UBE2E2: variants seen among roughly 807,000 people sequenced by gnomAD.
UBE2E2 encodes the protein ubiquitin-conjugating enzyme E2 E2.
A neutral mutation model predicts 24.7 loss-of-function variants in UBE2E2; 6 were observed. The observed-to-expected ratio is 0.24, with a 90% confidence interval of 0.13 to 0.48. The LOEUF (loss-of-function observed/expected upper bound fraction) is 0.48. UBE2E2 is among the 20% of genes least tolerant of loss of function. The pLI is 0.99. For synonymous variants in UBE2E2, 104 were observed against 83.6 expected, an observed-to-expected ratio of 1.24 and a Z score of -1.33; for missense variants, 169 against 245.0, an observed-to-expected ratio of 0.69 and a Z score of 2.07.
chr3:23,485,556 A>C (rs1197744953), intron 3 of UBE2E2, among the ~76,000 whole-genome samples: 1 of 151,950 alleles, frequency 6.6e-6, no homozygotes, highest in East Asian at 1.9e-4. Flanking sequence ...CAAAAAAAAA[A>C]CCTCTCTTGT....
chr3:23,403,526 A>G (rs1255876399), intron 3 of UBE2E2, among the ~76,000 whole-genome samples: 1 of 152,218 alleles, frequency 6.6e-6, no homozygotes, highest in East Asian at 1.9e-4. Context: ...TATGCATTAA[A>G]TGTCATTGTA....
At chr3:23,315,051 C>G (rs1463659884) in intron 3 of UBE2E2, among the ~76,000 whole-genome samples, 1 of 152,208 alleles carries the variant, frequency 6.6e-6, no homozygotes, top group East Asian at 1.9e-4. Flanking sequence ...ACCTCTACCT[C>G]TCTCTCTTTA....
intron 3 of UBE2E2, among the ~76,000 whole-genome samples, chr3:23,313,096 A>G (rs1050039452): frequency 1.3e-5 from 2 of 152,144 alleles, no homozygotes; most frequent in African/African-American, 4.8e-5. Flanking sequence ...TTCTATAAAT[A>G]TCTACTAGAT....
intron 3 of UBE2E2, among the ~76,000 whole-genome samples, chr3:23,330,087 C>T (rs1695019119): frequency 6.6e-6 from 1 of 152,174 alleles, no homozygotes; most frequent in South Asian, 2.1e-4. Context: ...ATAAAAGAAA[C>T]ACTCGAGAAG....
At chr3:23,460,066 G>A (rs940652789) in intron 3 of UBE2E2, among the ~76,000 whole-genome samples, 1 of 152,186 alleles carries the variant, frequency 6.6e-6, no homozygotes, top group African/African-American at 2.4e-5. Flanking sequence ...TAAGCCGGCT[G>A]TGTACATGGC....
chr3:23,516,399 T>C (rs976384584), intron 4 of UBE2E2, among the ~76,000 whole-genome samples: 2 of 152,208 alleles, frequency 1.3e-5, no homozygotes, highest in Non-Finnish European at 1.5e-5. Context: ...GATAATGTTT[T>C]TACCTTACTC....
intron 3 of UBE2E2, among the ~76,000 whole-genome samples, chr3:23,314,405 C>T (rs1694512612): frequency 6.6e-6 from 1 of 151,506 alleles, no homozygotes; most frequent in Non-Finnish European, 1.5e-5. Flanking sequence ...GTTGGGATTA[C>T]AGGTGTGAGC....
rs142113929 is a variant in UBE2E2, at chr3:23,578,369, G to A, written c.509-11365G>A. Among the ~76,000 whole-genome samples, 11 of 152,332 alleles carry A rather than the reference G, an allele frequency of 7.2e-5. No individual in the cohort carries two copies. In the East Asian group the frequency reaches 1.3e-3, roughly 19 times the overall value. ...TAGTTCAACCATTGTGGAAGACAGT[G>A]TGATATTTCAGTGACCTAGAGGCAG... On this transcript the variant is annotated intron_variant, in intron 5 of 5. Coordinates refer to ENST00000396703, the MANE Select transcript of UBE2E2 (RefSeq NM_152653.4).
rs190088067 is a variant in UBE2E2, at chr3:23,542,935, A to T, written c.508+10234A>T. Among the ~76,000 whole-genome samples the T allele has an allele frequency of 2.6e-5, 4 of 152,316 alleles. No individual in the cohort carries two copies. The East Asian group carries it at 7.7e-4, about 29-fold the overall frequency. On this transcript the variant is annotated intron_variant, in intron 5 of 5. Transcript: ENST00000396703. ...TTTTATTGTCTCTTAATTAATATAA[A>T]TGTCGACATGGATTAGCTGTTGATA...
intron 3 of UBE2E2, among the ~76,000 whole-genome samples, chr3:23,443,845 T>C (rs1465983926): frequency 6.6e-6 from 1 of 152,154 alleles, no homozygotes; most frequent in Non-Finnish European, 1.5e-5. Flanking sequence ...GGCCTCCATT[T>C]TTGTGAGAAT....
At chr3:23,558,869 T>C (rs1293292105) in intron 5 of UBE2E2, among the ~76,000 whole-genome samples, 1 of 152,192 alleles carries the variant, frequency 6.6e-6, no homozygotes, top group Non-Finnish European at 1.5e-5. Context: ...AAGACCAACC[T>C]GGGCAACATA....
intron 4 of UBE2E2, among the ~76,000 whole-genome samples, chr3:23,531,607 C>T (rs966713565): frequency 2.0e-5 from 3 of 151,800 alleles, no homozygotes; most frequent in African/African-American, 7.3e-5. Context: ...ACTAATATTA[C>T]GTTTTAAAAA....
intron 4 of UBE2E2, among the ~76,000 whole-genome samples, chr3:23,520,010 G>A (rs62255792): frequency 6.6e-6 from 1 of 152,014 alleles, no homozygotes; most frequent in Admixed American, 6.5e-5. Flanking sequence ...GTCAGAACTT[G>A]ATCTGAGAAA....
intron 3 of UBE2E2, among the ~76,000 whole-genome samples, chr3:23,266,265 G>C (rs1234897703): frequency 1.3e-5 from 2 of 152,054 alleles, no homozygotes; most frequent in Non-Finnish European, 2.9e-5. Flanking sequence ...AATTTGGCAT[G>C]ATTTTGCAGT....
intron 3 of UBE2E2, among the ~76,000 whole-genome samples, chr3:23,346,550 A>G (rs1338126622): frequency 6.6e-6 from 1 of 152,234 alleles, no homozygotes; most frequent in Non-Finnish European, 1.5e-5. Context: ...ATTCATAATT[A>G]TAAAAGTGTT....
At chr3:23,284,960 AAAAT>A (rs1698579656) in intron 3 of UBE2E2, among the ~76,000 whole-genome samples, 1 of 132,820 alleles carries the variant, frequency 7.5e-6, no homozygotes. Flanking sequence ...GTTGGAAAAA[AAAAT>A]ATATATATAT....
chr3:23,512,491 GGCCTCCC>G (rs1694623548), intron 4 of UBE2E2, among the ~76,000 whole-genome samples: 1 of 103,642 alleles, frequency 9.6e-6, no homozygotes, highest in Non-Finnish European at 2.0e-5. Flanking sequence ...CTCCTGCCTT[GGCCTCCC>G]AAAGTGCTAG....
At chr3:23,291,848 A>ATTTT (rs1295343138) in intron 3 of UBE2E2, among the ~76,000 whole-genome samples, 3 of 71,292 alleles carry the variant, frequency 4.2e-5, no homozygotes, top group Admixed American at 2.1e-4. Context: ...ATGCCCGGCT[A>ATTTT]ATTTTTTTTT....
intron 3 of UBE2E2, among the ~76,000 whole-genome samples, chr3:23,310,832 G>A (rs1250017556): frequency 6.6e-6 from 1 of 152,078 alleles, no homozygotes; most frequent in African/African-American, 2.4e-5. Context: ...AAGATAATAA[G>A]GATGTCATTA....
Sources: allele counts gnomAD v4.1 joint callset (sites outside exome capture counted in the v4.1 genomes callset), GRCh38; gene constraint gnomAD v4.1.1; transcripts MANE v1.5; gene names NCBI Gene and HGNC (gene_info 2026-07-23, HGNC 2026-07-21).